PHLPP1: variants seen among roughly 807,000 people sequenced by gnomAD.
The protein encoded by PHLPP1 is PH domain leucine-rich repeat-containing protein phosphatase 1.
A neutral mutation model predicts 117.2 loss-of-function variants in PHLPP1; 42 were observed. The ratio of observed to expected loss-of-function variants is 0.36; its 90% CI spans 0.28 to 0.46. The LOEUF (loss-of-function observed/expected upper bound fraction) is 0.46, where lower values mean the gene tolerates loss of function less well. Among genes scored for constraint, PHLPP1 ranks in the 20% least tolerant of loss-of-function variants. PHLPP1 has a pLI of 1.00. For synonymous variants in PHLPP1, 1,042 were observed against 970.7 expected, an observed-to-expected ratio of 1.07 and a Z score of -1.37; for missense variants, 2,084 against 2,241.9, an observed-to-expected ratio of 0.93 and a Z score of 1.42.
intron 4 of PHLPP1, among the ~76,000 whole-genome samples, chr18:62,874,687 ACACACTCT>A (rs1428275288): frequency 1.3e-3 from 178 of 137,258 alleles, no homozygotes; most frequent in African/African-American, 4.5e-3. Context: ...ACACACACAC[ACACACTCT>A]CGCTCTCTGT....
chr18:62,917,430 G>GTGTGTGTGTGTGTA, intron 9 of PHLPP1, among the ~76,000 whole-genome samples: 2 of 151,234 alleles, frequency 1.3e-5, no homozygotes, highest in Non-Finnish European at 3.0e-5. Flanking sequence ...GTGTGTGTGT[G>GTGTGTGTGTGTGTA]TGTGTTTAAC....
intron 12 of PHLPP1, among the ~76,000 whole-genome samples, chr18:62,952,376 A>T (rs1321334388): frequency 6.6e-6 from 1 of 152,174 alleles, no homozygotes; most frequent in Non-Finnish European, 1.5e-5. Flanking sequence ...GAAATTCTGT[A>T]TTTGAACAAA....
chr18:62,824,127 G>A (rs1372054775), intron 1 of PHLPP1: 12 of 437,218 alleles, frequency 2.7e-5, no homozygotes, highest in Middle Eastern at 4.1e-4. Flanking sequence ...GCGAAACTCC[G>A]TCTCAAAAAA....
chr18:62,860,732 G>A (rs1915611717), intron 4 of PHLPP1, 131 bp downstream of exon 4: 2 of 719,866 alleles, frequency 2.8e-6, no homozygotes, highest in Admixed American at 3.1e-5. Flanking sequence ...CAGGGTAATA[G>A]GACTTTGTTT....
At chr18:62,883,919 C>G (rs999466639) in intron 4 of PHLPP1, among the ~76,000 whole-genome samples, 3 of 152,156 alleles carry the variant, frequency 2.0e-5, no homozygotes, top group African/African-American at 7.2e-5. Context: ...TTCAGAGTCT[C>G]TTGGATTTCA....
At chr18:62,853,957 A>G (rs1915429291) in intron 3 of PHLPP1, among the ~76,000 whole-genome samples, 1 of 152,196 alleles carries the variant, frequency 6.6e-6, no homozygotes, top group Admixed American at 6.5e-5. Context: ...TGTTAAGGTG[A>G]TCAGGGCAGG....
At chr18:62,967,277 T>C (rs1035899166) in intron 14 of PHLPP1, among the ~76,000 whole-genome samples, 57 of 152,352 alleles carry the variant, frequency 3.7e-4, no homozygotes, top group African/African-American at 1.3e-3. Flanking sequence ...TAAGGATTGC[T>C]GGGTCATATG....
chr18:62,958,896 G>C, intron 13 of PHLPP1, 137 bp downstream of exon 13: 2 of 957,178 alleles, frequency 2.1e-6, no homozygotes, highest in Non-Finnish European at 3.1e-6. Context: ...GGATATACAA[G>C]ATGCAGGGAA....
intron 1 of PHLPP1, among the ~76,000 whole-genome samples, chr18:62,756,000 T>A (rs996241687): frequency 1.4e-5 from 2 of 147,636 alleles, no homozygotes; most frequent in Non-Finnish European, 3.0e-5. Context: ...CCCTTCAATT[T>A]GTGCCAAGTG....
At chr18:62,923,754 T>G (rs975508853) in intron 10 of PHLPP1, among the ~76,000 whole-genome samples, 2 of 152,208 alleles carry the variant, frequency 1.3e-5, no homozygotes, top group South Asian at 4.1e-4. Flanking sequence ...TATCGTGTAT[T>G]TGGTTTGATG....
chr18:62,877,777 G>C (rs924617662), intron 4 of PHLPP1, among the ~76,000 whole-genome samples: 2 of 152,164 alleles, frequency 1.3e-5, no homozygotes, highest in Non-Finnish European at 2.9e-5. Context: ...GGTGCTTGGG[G>C]CTCCGTGATT....
chr18:62,930,920 T>A (rs1198993436), intron 10 of PHLPP1, among the ~76,000 whole-genome samples: 2 of 152,150 alleles, frequency 1.3e-5, no homozygotes, highest in African/African-American at 4.8e-5. Context: ...CCGGGTGCGG[T>A]GGCTCATGCC....
At chr18:62,792,181 C>T (rs1457320502) in intron 1 of PHLPP1, among the ~76,000 whole-genome samples, 1 of 152,182 alleles carries the variant, frequency 6.6e-6, no homozygotes, top group African/African-American at 2.4e-5. Flanking sequence ...GCATATGATA[C>T]TGACCGAGCT....
intron 1 of PHLPP1, among the ~76,000 whole-genome samples, chr18:62,814,348 C>T (rs912625771): frequency 6.6e-6 from 1 of 152,192 alleles, no homozygotes; most frequent in Admixed American, 6.5e-5. Flanking sequence ...GCACTCCTTG[C>T]TGAGCTTCTT....
At position 62,897,442 on chromosome 18, in the gene PHLPP1, G is replaced by C. The variant is rs529523138; in HGVS notation, c.2444+1431G>C. ...TCCTTCCTGGCTCCTGAGCTGAGGA[G>C]GGGAAAATCAGATAGGTTTGTTCTA... On this transcript the variant is annotated intron_variant, in intron 6 of 16. Coordinates refer to ENST00000262719, the MANE Select transcript of PHLPP1 (RefSeq NM_194449.4). 3.3e-5 allele frequency among the ~76,000 whole-genome samples: 5 copies of C among 152,286 alleles called. No individual in the cohort carries two copies. The South Asian group carries it at 1.0e-3, about 32-fold the overall frequency.
chr18:62,905,303 G>A lies in PHLPP1; in HGVS notation c.2708+19G>A. 1 of 1,326,670 alleles carries A rather than the reference G, an allele frequency of 7.5e-7. No individual in the cohort carries two copies. The highest frequency in any genetic ancestry group is 1.0e-6 in the Non-Finnish European group (1 of 990,388). The allele number at this position is 1,326,670 out of a possible 1,614,324, so 82.2% of individuals were successfully genotyped here. A position where few individuals can be genotyped will look rare whatever the true frequency, so the allele number is the denominator to read the frequency against. Reference sequence around the variant, plus strand: ...TTTCAAGGTAAGAAGTCAAGTCTTAGAGCCCTCTAGAGTCTACTAGAAAAT... The same window carrying A: ...TTTCAAGGTAAGAAGTCAAGTCTTAAAGCCCTCTAGAGTCTACTAGAAAAT... On this transcript the variant is annotated intron_variant, in intron 8 of 16. Transcript: ENST00000262719.
chr18:62,770,712 G>A lies in PHLPP1; in HGVS notation c.1576+53453G>A, dbSNP rs555574746. On this transcript the variant is annotated intron_variant, in intron 1 of 16. Transcript: ENST00000262719. ...TTCCATTTCCAAAATGTTTGGAACC[G>A]GAAGTGTTTTGGATTTTGGAATTTT... Among the ~76,000 whole-genome samples the A allele has an allele frequency of 2.6e-5, 4 of 151,824 alleles. No individual in the cohort carries two copies. In the East Asian group the frequency reaches 5.8e-4, roughly 22 times the overall value.
intron 1 of PHLPP1, among the ~76,000 whole-genome samples, chr18:62,775,247 A>T (rs1912913545): frequency 6.6e-6 from 1 of 152,004 alleles, no homozygotes; most frequent in South Asian, 2.1e-4. Context: ...ATAGGCGCCT[A>T]CCACCACGCC....
At chr18:62,968,743 TG>T (rs891558268) in intron 14 of PHLPP1, among the ~76,000 whole-genome samples, 9 of 151,980 alleles carry the variant, frequency 5.9e-5, no homozygotes, top group Non-Finnish European at 2.9e-5. Flanking sequence ...TTCACCATGT[TG>T]GCCAGGCTGA....
Sources: allele counts gnomAD v4.1 joint callset (sites outside exome capture counted in the v4.1 genomes callset), GRCh38; gene constraint gnomAD v4.1.1; transcripts MANE v1.5; gene names NCBI Gene and HGNC (gene_info 2026-07-23, HGNC 2026-07-21).